DLG2: variants seen among roughly 807,000 people sequenced by gnomAD.
DLG2 encodes the protein discs large MAGUK scaffold protein 2.
Under a neutral mutation model 132.5 loss-of-function variants are expected in DLG2, and 45 were observed. The ratio of observed to expected loss-of-function variants is 0.34; its 90% CI spans 0.27 to 0.44. The LOEUF is 0.44. DLG2 is among the 20% of genes least tolerant of loss of function. DLG2 has a pLI of 1.00. For synonymous variants in DLG2, 424 were observed against 419.6 expected, an observed-to-expected ratio of 1.01 and a Z score of -0.13; for missense variants, 1,045 against 1,196.9, an observed-to-expected ratio of 0.87 and a Z score of 1.87.
At chr11:84,316,212 G>C (rs1253673449) in intron 7 of DLG2, among the ~76,000 whole-genome samples, 1 of 152,120 alleles carries the variant, frequency 6.6e-6, no homozygotes, top group Non-Finnish European at 1.5e-5. Context: ...TAAACTTATT[G>C]CTTCTCCATG....
intron 3 of DLG2, among the ~76,000 whole-genome samples, chr11:85,536,212 C>G (rs1365125155): frequency 1.0e-5 from 1 of 98,216 alleles, no homozygotes; most frequent in East Asian, 3.2e-4. Context: ...GTGACCCTGT[C>G]TCAAAAAAAA....
intron 6 of DLG2, among the ~76,000 whole-genome samples, chr11:85,041,241 A>G (rs998330599): frequency 6.6e-6 from 1 of 151,958 alleles, no homozygotes; most frequent in African/African-American, 2.4e-5. Flanking sequence ...TATAAGATAT[A>G]AAAAGAGACA....
intron 18 of DLG2, among the ~76,000 whole-genome samples, chr11:83,657,673 G>A (rs2073013941): frequency 6.6e-6 from 1 of 151,064 alleles, no homozygotes; most frequent in Non-Finnish European, 1.5e-5. Context: ...CGAGTAGCTG[G>A]GACTACAGGC....
chr11:84,502,831 C>T (rs986067486), intron 7 of DLG2, among the ~76,000 whole-genome samples: 4 of 151,918 alleles, frequency 2.6e-5, no homozygotes, highest in African/African-American at 9.7e-5. Flanking sequence ...GGCAAATATG[C>T]AAGGGGAGAA....
At chr11:85,187,818 G>A (rs1161837797) in intron 4 of DLG2, among the ~76,000 whole-genome samples, 1 of 152,134 alleles carries the variant, frequency 6.6e-6, no homozygotes, top group Non-Finnish European at 1.5e-5. Context: ...GGCAGTAACA[G>A]TAACAGTCTC....
Position 83,483,240 on chromosome 11 carries a change from C to A in DLG2, c.2293+889G>T, listed in dbSNP as rs763822176. 4 of 1,611,062 alleles carry A rather than the reference C, an allele frequency of 2.5e-6. No homozygotes were observed. The Admixed American group carries it at 6.7e-5, about 27-fold the overall frequency. On this transcript the variant is annotated intron_variant, in intron 22 of 27. Coordinates refer to ENST00000376104, the MANE Select transcript of DLG2 (RefSeq NM_001142699.3). ...GAAAAGAAAAGTTACAGTGACCATT[C>A]CTGGAAACTTACTCAGAGTCTTTGT...
At chr11:85,226,165 AATAAT>A (rs2152627323) in intron 4 of DLG2, among the ~76,000 whole-genome samples, 1 of 129,432 alleles carries the variant, frequency 7.7e-6, no homozygotes, top group East Asian at 2.5e-4. Context: ...TTATAATAAA[AATAAT>A]ATAATTGCAT....
intron 10 of DLG2, among the ~76,000 whole-genome samples, chr11:84,064,565 T>G (rs954929902): frequency 1.6e-4 from 25 of 152,192 alleles, no homozygotes; most frequent in Admixed American, 1.3e-4. Context: ...ATTGACTGAT[T>G]GTTACTGTTA....
At chr11:85,578,197 A>G (rs2078277336) in intron 3 of DLG2, among the ~76,000 whole-genome samples, 1 of 152,284 alleles carries the variant, frequency 6.6e-6, no homozygotes, top group African/African-American at 2.4e-5. Flanking sequence ...TATGCAGAAG[A>G]CTAAAACCAA....
chr11:83,831,183 GA>G (rs1310208248), intron 17 of DLG2, among the ~76,000 whole-genome samples: 1 of 152,196 alleles, frequency 6.6e-6, no homozygotes, highest in Non-Finnish European at 1.5e-5. Context: ...ACCTAGTACA[GA>G]AAGACAGACA....
rs568409759 is a variant in DLG2 at position 85,253,008 on chromosome 11, G to A, written c.186+32212C>T. ...TTCTAAACCTATTGTTAAAATCCCT[G>A]AAAAATAGTCTACAAATTCTCTTAT... On this transcript the variant is annotated intron_variant, in intron 4 of 27. Transcript: ENST00000376104. Among the ~76,000 whole-genome samples the A allele has an allele frequency of 7.2e-5, 11 of 152,226 alleles. No homozygotes were observed. In the South Asian group the frequency reaches 1.9e-3, roughly 26 times the overall value.
At chr11:83,836,822 C>T (rs2056298595) in intron 16 of DLG2, among the ~76,000 whole-genome samples, 2 of 152,162 alleles carry the variant, frequency 1.3e-5, no homozygotes, top group Admixed American at 6.5e-5. Flanking sequence ...ATGAATTGAC[C>T]TGACTTACAT....
chr11:84,240,233 A>G (rs1465809482), intron 8 of DLG2, among the ~76,000 whole-genome samples: 1 of 152,230 alleles, frequency 6.6e-6, no homozygotes, highest in African/African-American at 2.4e-5. Context: ...AAAAGAAAAT[A>G]AAAGGTACTT....
intron 7 of DLG2, among the ~76,000 whole-genome samples, chr11:84,330,297 C>T (rs2098452744): frequency 6.6e-6 from 1 of 152,142 alleles, no homozygotes; most frequent in Non-Finnish European, 1.5e-5. Context: ...TTGGGCAAGG[C>T]TTTCTGCTTC....
intron 19 of DLG2, chr11:83,631,772 T>A (rs1241071347): frequency 2.0e-5 from 3 of 152,180 alleles, no homozygotes; most frequent in Non-Finnish European, 4.4e-5. Flanking sequence ...TATATAACCA[T>A]TTCAGTTACA....
At chr11:83,548,199 T>C (rs1342460218) in intron 19 of DLG2, among the ~76,000 whole-genome samples, 2 of 152,104 alleles carry the variant, frequency 1.3e-5, no homozygotes, top group Non-Finnish European at 1.5e-5. Context: ...GGAAGAATAA[T>C]GGTTCTCCAA....
intron 6 of DLG2, among the ~76,000 whole-genome samples, chr11:84,794,385 G>A (rs910532250): frequency 2.7e-4 from 41 of 152,298 alleles, no homozygotes; most frequent in Non-Finnish European, 2.9e-4. Context: ...TACAGCTGGG[G>A]CTGTGTACTC....
intron 5 of DLG2, among the ~76,000 whole-genome samples, chr11:85,132,130 G>A (rs141521161): frequency 1.3e-5 from 2 of 152,080 alleles, no homozygotes; most frequent in East Asian, 1.9e-4. Flanking sequence ...TCCATAAAAC[G>A]ATTGCCTATT....
intron 4 of DLG2, among the ~76,000 whole-genome samples, chr11:85,183,302 T>C (rs2079859432): frequency 6.6e-6 from 1 of 151,918 alleles, no homozygotes; most frequent in African/African-American, 2.4e-5. Flanking sequence ...ATCATTACCA[T>C]TGTTAATTAA....
Sources: allele counts gnomAD v4.1 joint callset (sites outside exome capture counted in the v4.1 genomes callset), GRCh38; gene constraint gnomAD v4.1.1; transcripts MANE v1.5; gene names NCBI Gene and HGNC (gene_info 2026-07-23, HGNC 2026-07-21).